Variants in RELN observed in about 807,000 individuals in gnomAD.
The protein encoded by RELN is reelin.
In RELN, 108 loss-of-function variants were observed where a neutral mutation model predicts 427.6. The observed-to-expected ratio is 0.25, with a 90% CI of 0.22 to 0.30. The LOEUF (loss-of-function observed/expected upper bound fraction) is 0.30. Ranked by LOEUF, RELN falls within the 10% of genes least tolerant of loss-of-function variation. The pLI is 1.00. For synonymous variants in RELN, 1,524 were observed against 1,513.4 expected (o/e 1.01, Z -0.16); for missense variants, 3,715 against 4,302.8 (o/e 0.86, Z 3.82).
intron 29 of RELN, 67 bp from the exon 30 acceptor site, chr7:103,574,366 A>G: frequency 7.6e-7 from 1 of 1,320,480 alleles, no homozygotes; most frequent in South Asian, 1.2e-5. Context: ...TCTATTCAAC[A>G]CATGGGCAAA....
chr7:103,588,851 A>C (rs2382875), intron 28 of RELN, among the ~76,000 whole-genome samples: 114,849 of 151,380 alleles, frequency 0.76, 44,160 homozygotes, highest in African/African-American at 0.88. Flanking sequence ...GGACTTCTGC[A>C]CTTCCCACAC....
At chr7:103,778,916 CT>C (rs2116221465) in intron 3 of RELN, among the ~76,000 whole-genome samples, 1 of 152,294 alleles carries the variant, frequency 6.6e-6, no homozygotes, top group South Asian at 2.1e-4. Context: ...TTTCCCAAAT[CT>C]TGCTATCGTG....
intron 41 of RELN, among the ~76,000 whole-genome samples, chr7:103,549,825 A>T (rs781064902): frequency 3.6e-4 from 55 of 152,222 alleles, no homozygotes; most frequent in Non-Finnish European, 6.6e-4. Context: ...ATATGATCTT[A>T]AATAATACAA....
At position 103,472,567 on chromosome 7, in the gene RELN, A is replaced by T. The variant is rs1827890888; in HGVS notation, c.*245T>A. ...ATTGTCAATACTGCCACTGTAACTG[A>T]TATTACAACAGATCACAACTTTCAC... On this transcript the variant is annotated 3_prime_UTR_variant, in exon 65 of 65. Coordinates refer to ENST00000428762, the MANE Select transcript of RELN (RefSeq NM_005045.4). The T allele has an allele frequency of 6.3e-5, 31 of 488,330 alleles. 1 individual carries two copies. The South Asian group carries it at 6.9e-4, about 11-fold the overall frequency. 30.2% of individuals were successfully genotyped at this position (488,330 alleles called of 1,614,324 possible).
intron 11 of RELN, among the ~76,000 whole-genome samples, chr7:103,670,135 AG>A (rs1833359430): frequency 6.6e-6 from 1 of 152,158 alleles, no homozygotes; most frequent in African/African-American, 2.4e-5. Flanking sequence ...CTTCTCTATC[AG>A]GTGTTTTGGA....
chr7:103,705,329 C>T (rs1307199435), intron 8 of RELN, among the ~76,000 whole-genome samples: 1 of 152,002 alleles, frequency 6.6e-6, no homozygotes, highest in African/African-American at 2.4e-5. Context: ...TTTCGAATGA[C>T]ACCACCCCAA....
chr7:103,750,742 T>C (rs1790978228), intron 5 of RELN, among the ~76,000 whole-genome samples: 2 of 152,212 alleles, frequency 1.3e-5, no homozygotes, highest in Admixed American at 6.5e-5. Context: ...TTTGTGAACT[T>C]TTTTTCTCTT....
At chr7:103,766,284 T>A (rs1426670639) in intron 4 of RELN, among the ~76,000 whole-genome samples, 1 of 152,230 alleles carries the variant, frequency 6.6e-6, no homozygotes, top group Non-Finnish European at 1.5e-5. Context: ...GGAGCACAGA[T>A]GTCTTTGACT....
intron 11 of RELN, among the ~76,000 whole-genome samples, chr7:103,679,124 A>G (rs1454763385): frequency 1.3e-5 from 2 of 152,230 alleles, no homozygotes; most frequent in Non-Finnish European, 2.9e-5. Flanking sequence ...CAACAAAGCA[A>G]CATTTGGGAC....
chr7:103,489,609 A>C, intron 60 of RELN, 133 bp downstream of exon 60: 1 of 1,009,850 alleles, frequency 9.9e-7, no homozygotes, highest in Non-Finnish European at 1.5e-6. Context: ...AGAGTGACCA[A>C]GGAGTGTGTC....
intron 20 of RELN, among the ~76,000 whole-genome samples, chr7:103,622,550 A>T (rs1399319197): frequency 1.3e-5 from 2 of 152,208 alleles, no homozygotes; most frequent in Non-Finnish European, 2.9e-5. Flanking sequence ...AGTAAAATCC[A>T]GAATCTTTAT....
At chr7:103,925,669 T>G (rs890455829) in intron 1 of RELN, among the ~76,000 whole-genome samples, 1 of 152,188 alleles carries the variant, frequency 6.6e-6, no homozygotes, top group Non-Finnish European at 1.5e-5. Flanking sequence ...TGTCTAAAAC[T>G]CAACATATCT....
intron 2 of RELN, among the ~76,000 whole-genome samples, chr7:103,860,386 T>C (rs563300988): frequency 2.0e-5 from 3 of 152,314 alleles, no homozygotes; most frequent in Admixed American, 6.5e-5. Context: ...CGCTGCTTTA[T>C]TGTTCCTTTG....
intron 4 of RELN, among the ~76,000 whole-genome samples, chr7:103,775,883 A>T (rs1253035614): frequency 2.0e-5 from 3 of 152,146 alleles, no homozygotes; most frequent in African/African-American, 7.2e-5. Flanking sequence ...GGCAACATCC[A>T]CCCCTTTTCA....
chr7:103,666,180 T>A (rs1188463669), intron 11 of RELN, among the ~76,000 whole-genome samples: 1 of 152,074 alleles, frequency 6.6e-6, no homozygotes, highest in Non-Finnish European at 1.5e-5. Context: ...ACCGCCCACC[T>A]CAGGCTCTCC....
intron 28 of RELN, among the ~76,000 whole-genome samples, chr7:103,581,076 T>C (rs962899785): frequency 3.9e-5 from 6 of 152,092 alleles, no homozygotes; most frequent in Non-Finnish European, 5.9e-5. Flanking sequence ...TATGTTCTTA[T>C]GGAAAAAGAG....
chr7:103,654,941 T>C (rs1832994756), intron 12 of RELN, among the ~76,000 whole-genome samples: 1 of 152,056 alleles, frequency 6.6e-6, no homozygotes, highest in Non-Finnish European at 1.5e-5. Context: ...TTCTAACCTA[T>C]TATTTTCATA....
At chr7:103,836,280 T>C (rs1472770002) in intron 2 of RELN, among the ~76,000 whole-genome samples, 1 of 152,130 alleles carries the variant, frequency 6.6e-6, no homozygotes, top group East Asian at 1.9e-4. Flanking sequence ...TGTTTGTAGC[T>C]GCACTGTCTA....
intron 8 of RELN, among the ~76,000 whole-genome samples, chr7:103,717,030 T>C (rs113690044): frequency 7.2e-5 from 11 of 152,190 alleles, no homozygotes; most frequent in African/African-American, 2.2e-4. Context: ...GACATTTTTC[T>C]AAGCCTCATT....
Sources: allele counts gnomAD v4.1 joint callset (sites outside exome capture counted in the v4.1 genomes callset), GRCh38; gene constraint gnomAD v4.1.1; transcripts MANE v1.5; gene names NCBI Gene and HGNC (gene_info 2026-07-23, HGNC 2026-07-21).